The following CHN2 variants were observed in gnomAD, a reference collection of about 807,000 sequenced individuals.
The protein encoded by CHN2 is chimerin 2, also known as beta-chimaerin.
A neutral mutation model predicts 56.3 loss-of-function variants in CHN2; 35 were observed. That is an observed-to-expected ratio of 0.62 (90% CI 0.47 to 0.82). CHN2 has a LOEUF of 0.82. Among genes scored for constraint, CHN2 ranks in the 40% least tolerant of loss-of-function variants. The probability of loss-of-function intolerance (pLI) is 0.00; values close to 1 mark genes in which losing one functional copy is unlikely to be tolerated. For synonymous variants in CHN2, 210 were observed against 212.8 expected (o/e 0.99, Z 0.12); for missense variants, 491 against 580.5 (o/e 0.85, Z 1.58).
rs60239658 is a variant in CHN2, at chr7:29,211,059, G to GTTT, written c.49+16078_49+16080dup. Among the ~76,000 whole-genome samples the GTTT allele has an allele frequency of 1.4e-3, 199 of 147,196 alleles. 2 individuals carry two copies. Among genetic ancestry groups the GTTT allele is most frequent in the African/African-American group, 4.2e-3 (166 of 39,974 alleles). ...TGGCATGATCTGACTTAGGTGTTTT[G>GTTT]TTTTTTTTTTTGTTGTTGTTGTTGT... is the stretch of plus-strand genomic sequence containing the variant. On this transcript the variant is annotated intron_variant, in intron 1 of 12. Transcript: ENST00000222792.
chr7:29,338,735 T>C (rs935698235), intron 1 of CHN2, among the ~76,000 whole-genome samples: 41 of 152,166 alleles, frequency 2.7e-4, no homozygotes, highest in African/African-American at 9.7e-4. Context: ...AGTGCCACCA[T>C]GCCTGGCTAA....
intron 1 of CHN2, chr7:29,288,932 C>T (rs1792366658): frequency 6.6e-6 from 1 of 152,230 alleles, no homozygotes. Context: ...ATCGTGCCAA[C>T]TCAACTAGCC....
At chr7:29,154,926 G>A (rs946905719) in intron 2 of CHN2, among the ~76,000 whole-genome samples, 15 of 152,230 alleles carry the variant, frequency 9.9e-5, no homozygotes, top group Non-Finnish European at 1.8e-4. Context: ...GTTCCATGTG[G>A]CTGGGGAAGC....
At chr7:29,458,511 C>T (rs570462075) in intron 6 of CHN2, among the ~76,000 whole-genome samples, 2 of 152,142 alleles carry the variant, frequency 1.3e-5, no homozygotes, top group Non-Finnish European at 2.9e-5. Context: ...GTGTCTCACC[C>T]CTGCCCCCAA....
At chr7:29,461,424 G>A (rs1470228728) in intron 6 of CHN2, among the ~76,000 whole-genome samples, 1 of 152,188 alleles carries the variant, frequency 6.6e-6, no homozygotes, top group Non-Finnish European at 1.5e-5. Context: ...AGTTGTTAGA[G>A]TAATGGTCCC....
intron 1 of CHN2, among the ~76,000 whole-genome samples, chr7:29,274,295 C>T (rs1393190606): frequency 6.6e-6 from 1 of 152,202 alleles, no homozygotes; most frequent in Admixed American, 6.5e-5. Flanking sequence ...TCTCAAATTG[C>T]ATGTGCTCCA....
At chr7:29,434,859 G>C (rs779975477) in intron 6 of CHN2, among the ~76,000 whole-genome samples, 1 of 152,168 alleles carries the variant, frequency 6.6e-6, no homozygotes, top group Non-Finnish European at 1.5e-5. Flanking sequence ...TGGAAGGCCA[G>C]GGCAGGCAGA....
chr7:29,199,803 T>G (rs746600038), intron 1 of CHN2: 2 of 152,372 alleles, frequency 1.3e-5, no homozygotes. Context: ...TGTGAACTTG[T>G]GCTGAAATGC....
intron 1 of CHN2, among the ~76,000 whole-genome samples, chr7:29,198,138 A>C (rs1397352795): frequency 6.6e-6 from 1 of 152,236 alleles, no homozygotes; most frequent in Non-Finnish European, 1.5e-5. Context: ...TTGATGGAAC[A>C]GCTCTGGAAG....
intron 1 of CHN2, among the ~76,000 whole-genome samples, chr7:29,274,606 G>T (rs1180557634): frequency 2.6e-5 from 4 of 152,188 alleles, no homozygotes; most frequent in African/African-American, 9.6e-5. Context: ...AGGATTGTGG[G>T]CTAGTTTCAC....
At chr7:29,287,065 G>T (rs1168422918) in intron 1 of CHN2, among the ~76,000 whole-genome samples, 2 of 152,096 alleles carry the variant, frequency 1.3e-5, no homozygotes, top group African/African-American at 2.4e-5. Context: ...TAGTCCATTT[G>T]TTTCTGGTGG....
At chr7:29,197,575 C>T (rs756960087) in intron 1 of CHN2, among the ~76,000 whole-genome samples, 7 of 152,178 alleles carry the variant, frequency 4.6e-5, no homozygotes, top group Admixed American at 1.3e-4. Context: ...AAGGCATTCA[C>T]GGGCTCAGAA....
At chr7:29,216,078 C>T (rs1457788247) in intron 1 of CHN2, among the ~76,000 whole-genome samples, 1 of 152,088 alleles carries the variant, frequency 6.6e-6, no homozygotes, top group African/African-American at 2.4e-5. Context: ...GAGGCTGGAA[C>T]TTCTTTGTTT....
chr7:29,438,220 G>C (rs1052210438), intron 6 of CHN2, among the ~76,000 whole-genome samples: 3 of 152,208 alleles, frequency 2.0e-5, no homozygotes, highest in African/African-American at 7.2e-5. Flanking sequence ...CCAACACCCA[G>C]AAGTAGCTAG....
At chr7:29,493,256 A>G (rs746972876) in intron 7 of CHN2, among the ~76,000 whole-genome samples, 17 of 152,260 alleles carry the variant, frequency 1.1e-4, no homozygotes, top group African/African-American at 3.9e-4. Flanking sequence ...AGGCTATACC[A>G]TATACCCTAG....
At chr7:29,168,493 T>G (rs998456341) in intron 2 of CHN2, among the ~76,000 whole-genome samples, 1 of 152,226 alleles carries the variant, frequency 6.6e-6, no homozygotes, top group South Asian at 2.1e-4. Context: ...GCATCTGTAA[T>G]CTCTACCCAT....
At chr7:29,314,626 A>C (rs1447922332) in intron 1 of CHN2, among the ~76,000 whole-genome samples, 1 of 152,206 alleles carries the variant, frequency 6.6e-6, no homozygotes, top group Non-Finnish European at 1.5e-5. Flanking sequence ...AAAAATATTC[A>C]AAGAAGGTAT....
rs146850127 is a variant in CHN2, at chr7:29,496,014, C to T, written c.717C>T (p.Ile239=). Residue 239 remains isoleucine (I), a synonymous_variant, in exon 8 of 13, where the codon ATC becomes ATT. Transcript: ENST00000222792. ...GTGCCAATTTCATGTGGGGGCTCATCGCCCAAGGGGTCCGGTGCTCAGGTA... is the reference window on the plus strand; with the variant it reads ...GTGCCAATTTCATGTGGGGGCTCATTGCCCAAGGGGTCCGGTGCTCAGGTA... ...EYCANFMWGL[I]AQGVRCSDCG... 29 of 1,612,578 alleles carry T rather than the reference C, an allele frequency of 1.8e-5. No homozygotes were observed. The highest frequency in any genetic ancestry group is 1.3e-4 in the East Asian group (6 of 44,826).
intron 6 of CHN2, chr7:29,445,175 A>G (rs981861977): frequency 1.5e-5 from 7 of 455,828 alleles, no homozygotes; most frequent in Admixed American, 1.4e-4. Flanking sequence ...TAAGTAGACT[A>G]GTGTGGAGCC....
Sources: gnomAD v4.1 joint callset for allele counts (sites outside exome capture counted in the v4.1 genomes callset) on GRCh38, gnomAD v4.1.1 for gene constraint, MANE v1.5 for transcripts, NCBI Gene and HGNC (gene_info 2026-07-23, HGNC 2026-07-21) for gene names.